The following RGS6 variants were observed in gnomAD, a reference collection of about 807,000 sequenced individuals.
RGS6 encodes the protein regulator of G protein signaling 6.
RGS6 carries 30 observed loss-of-function variants against 78.5 expected under a neutral mutation model. That is an observed-to-expected ratio of 0.38 (90% CI 0.29 to 0.52). The LOEUF (loss-of-function observed/expected upper bound fraction) is 0.52, where lower values mean the gene tolerates loss of function less well. Among genes scored for constraint, RGS6 ranks in the 20% least tolerant of loss-of-function variants. The probability of loss-of-function intolerance (pLI) is 0.85; values close to 1 mark genes in which losing one functional copy is unlikely to be tolerated. For missense variants in RGS6, 495 were observed against 609.7 expected, an observed-to-expected ratio of 0.81 and a Z score of 1.98; for synonymous variants, 206 against 206.0, an observed-to-expected ratio of 1.00 and a Z score of 0.00.
At chr14:72,455,746 T>A (rs148206121) in intron 4 of RGS6, among the ~76,000 whole-genome samples, 332 of 152,336 alleles carry the variant, frequency 2.2e-3, no homozygotes, top group Non-Finnish European at 3.6e-3. Flanking sequence ...CTATGTGTTG[T>A]CCCTGATGCA....
At chr14:72,555,483 C>G (rs1567123844) in intron 17 of RGS6, among the ~76,000 whole-genome samples, 1 of 152,222 alleles carries the variant, frequency 6.6e-6, no homozygotes, top group Non-Finnish European at 1.5e-5. Flanking sequence ...TGCTCAAGAA[C>G]TTAAGTTCTT....
At chr14:72,615,291 C>T in the RGS6 span, among the ~76,000 whole-genome samples, 2 of 152,168 alleles carry the variant, frequency 1.3e-5, no homozygotes, top group African/African-American at 4.8e-5. Flanking sequence ...ATAAGCCCCT[C>T]TTCTTTGAGT....
chr14:72,061,244 G>T (rs2093878597), intron 2 of RGS6, among the ~76,000 whole-genome samples: 1 of 152,192 alleles, frequency 6.6e-6, no homozygotes, highest in African/African-American at 2.4e-5. Context: ...ACTGTGGTAA[G>T]ATAAATTATT....
intron 2 of RGS6, among the ~76,000 whole-genome samples, chr14:72,050,103 A>G (rs1476994758): frequency 2.6e-5 from 4 of 152,174 alleles, no homozygotes; most frequent in Non-Finnish European, 5.9e-5. Flanking sequence ...AAAAACAGAA[A>G]TTTGCAAATG....
intron 6 of RGS6, among the ~76,000 whole-genome samples, chr14:72,462,235 A>C (rs2095800333): frequency 6.6e-6 from 1 of 152,170 alleles, no homozygotes; most frequent in Non-Finnish European, 1.5e-5. Flanking sequence ...GATGCAGGGA[A>C]GAAAGGCATG....
intron 2 of RGS6, among the ~76,000 whole-genome samples, chr14:72,106,147 A>C (rs2095627772): frequency 6.6e-6 from 1 of 152,226 alleles, no homozygotes; most frequent in South Asian, 2.1e-4. Context: ...CAATATTCTC[A>C]TGATATTGAT....
intron 2 of RGS6, among the ~76,000 whole-genome samples, chr14:72,242,850 T>C (rs888050283): frequency 0.011 from 1,469 of 133,826 alleles, 26 homozygotes; most frequent in Non-Finnish European, 0.016. Context: ...TTTTTTTTTT[T>C]TTTTTTTTTT....
At chr14:71,871,271 T>C in the RGS6 span, among the ~76,000 whole-genome samples, 2 of 152,020 alleles carry the variant, frequency 1.3e-5, no homozygotes, top group African/African-American at 4.8e-5. Flanking sequence ...AGAGGGGACA[T>C]CCCAAACCAG....
chr14:71,893,621 G>A, the RGS6 span, among the ~76,000 whole-genome samples: 1 of 152,176 alleles, frequency 6.6e-6, no homozygotes. Context: ...GACAGATTGG[G>A]TTTCATGCCT....
chr14:71,915,073 C>G, the RGS6 span, among the ~76,000 whole-genome samples: 1 of 151,062 alleles, frequency 6.6e-6, no homozygotes. Flanking sequence ...CATGGTGAAA[C>G]CCCGTGTCTA....
At chr14:72,243,307 T>C (rs1446977560) in intron 2 of RGS6, among the ~76,000 whole-genome samples, 1 of 152,250 alleles carries the variant, frequency 6.6e-6, no homozygotes, top group African/African-American at 2.4e-5. Flanking sequence ...TCTACAGATA[T>C]TATTCTGGCA....
In RGS6 at chr14:72,279,826, G is replaced by T. The variant is rs151112469; in HGVS notation, c.85-72269G>T. Among the ~76,000 whole-genome samples the T allele has an allele frequency of 2.3e-4, 35 of 152,286 alleles. 1 individual carries two copies. In the East Asian group the frequency reaches 6.7e-3, roughly 29 times the overall value. On this transcript the variant is annotated intron_variant, in intron 2 of 17. Transcript: ENST00000553525. ...TTTATTAAGTATAGGGTATAGAAGT[G>T]TAGAATAGAGAAGACAAAGAAAAGC...
chr14:72,250,409 A>AAAAAC (rs773472388), intron 2 of RGS6, among the ~76,000 whole-genome samples: 11 of 151,406 alleles, frequency 7.3e-5, no homozygotes, highest in African/African-American at 2.4e-4. Flanking sequence ...GAAAAAAAAA[A>AAAAAC]AAAACCCCAA....
At chr14:72,561,752 A>C (rs747523538) in intron 17 of RGS6, among the ~76,000 whole-genome samples, 41 of 152,210 alleles carry the variant, frequency 2.7e-4, no homozygotes, top group Admixed American at 6.5e-4. Context: ...GTATGGGGTC[A>C]TCAAACTCTG....
chr14:72,086,418 A>G (rs1317076174), intron 2 of RGS6, among the ~76,000 whole-genome samples: 1 of 152,172 alleles, frequency 6.6e-6, no homozygotes, highest in Non-Finnish European at 1.5e-5. Context: ...CAGTACATAC[A>G]TTTTACTTTA....
At chr14:72,033,356 C>T (rs549929938) in intron 2 of RGS6, among the ~76,000 whole-genome samples, 1 of 152,134 alleles carries the variant, frequency 6.6e-6, no homozygotes, top group Non-Finnish European at 1.5e-5. Flanking sequence ...ACCTCAACCT[C>T]CCGAGTAGCT....
chr14:72,278,918 G>T (rs1040957829), intron 2 of RGS6, among the ~76,000 whole-genome samples: 8 of 152,114 alleles, frequency 5.3e-5, no homozygotes, highest in Non-Finnish European at 8.8e-5. Context: ...GCTGTGGGCA[G>T]TGCCCTCTTG....
At chr14:72,037,528 A>G (rs1025589104) in intron 2 of RGS6, among the ~76,000 whole-genome samples, 1 of 152,190 alleles carries the variant, frequency 6.6e-6, no homozygotes, top group Non-Finnish European at 1.5e-5. Context: ...GAAGTCAGTG[A>G]GACCAAGAAC....
Position 72,478,291 on chromosome 14 carries a change from C to T in RGS6, c.816C>T (p.Ile272=), listed in dbSNP as rs777346546. Residue 272 remains isoleucine, a synonymous_variant, in exon 12 of 18, where the codon ATC becomes ATT. Coordinates refer to ENST00000553525, the MANE Select transcript of RGS6 (RefSeq NM_001204424.2). ...AGATAACATTTTTGAACGCACAGAT[C>T]GACAGACATTGTTTGAAAATGTCCA... ...RKQITFLNAQ[I]DRHCLKMSKV... 13 of 1,612,372 alleles carry T rather than the reference C, an allele frequency of 8.1e-6. No homozygotes were observed. The highest frequency in any genetic ancestry group is 7.7e-5 in the South Asian group (7 of 90,948).
Sources: gnomAD v4.1 joint callset for allele counts (sites outside exome capture counted in the v4.1 genomes callset) on GRCh38, gnomAD v4.1.1 for gene constraint, MANE v1.5 for transcripts, NCBI Gene and HGNC (gene_info 2026-07-23, HGNC 2026-07-21) for gene names.